Variants in N4BP2L2 observed in about 807,000 individuals in gnomAD.
N4BP2L2 encodes NEDD4 binding protein 2 like 2, also known as NEDD4-binding protein 2-like 2.
Under a neutral mutation model 56.2 loss-of-function variants are expected in N4BP2L2, and 50 were observed. The ratio of observed to expected loss-of-function variants is 0.89; its 90% CI spans 0.71 to 1.13. The LOEUF is 1.13. N4BP2L2 is among the 50% of genes most tolerant of loss of function. The pLI is 0.00. For missense variants in N4BP2L2, 689 were observed against 693.8 expected (o/e 0.99, Z 0.08); for synonymous variants, 203 against 223.6 (o/e 0.91, Z 0.82).
At chr13:32,446,393 G>A (rs775541047) in intron 6 of N4BP2L2, 1 of 1,365,080 alleles carries the variant, frequency 7.3e-7, no homozygotes, top group East Asian at 4.6e-5. Flanking sequence ...GCAGTCCAAG[G>A]TGCAATGTCA....
At chr13:32,515,974 G>A (rs533523600) in exon 6 of N4BP2L2, 4 of 152,222 alleles carry the variant, frequency 2.6e-5, no homozygotes, top group Non-Finnish European at 4.4e-5. Flanking sequence ...CTGACCTCAG[G>A]TGATCTGCCC....
intron 2 of N4BP2L2, among the ~76,000 whole-genome samples, chr13:32,531,012 A>G (rs1435382454): frequency 6.6e-6 from 1 of 152,162 alleles, no homozygotes; most frequent in Non-Finnish European, 1.5e-5. Flanking sequence ...AAATGAGAGA[A>G]GCCTCCAGTC....
In N4BP2L2 at chr13:32,469,633, G is replaced by T. The variant is rs529254702; in HGVS notation, c.366-25507C>A. ...AACTAATGTCGGCAGCGTCTGGGGG[G>T]TCCCCTCCCTGCCTGATATTCCGTC... On this transcript the variant is annotated intron_variant, in intron 6 of 9. Transcript: ENST00000357505. 2.6e-3 allele frequency among the ~76,000 whole-genome samples: 392 copies of T among 152,328 alleles called. 3 individuals carry two copies. The highest frequency in any genetic ancestry group is 8.5e-3 in the African/African-American group (352 of 41,578).
At chr13:32,536,221 C>G in exon 2 of N4BP2L2, 1 of 1,613,866 alleles carries the variant, frequency 6.2e-7, no homozygotes, top group Non-Finnish European at 8.5e-7. Flanking sequence ...GATATACTGA[C>G]TGCCATTCAG....
intron 6 of N4BP2L2, among the ~76,000 whole-genome samples, chr13:32,462,923 A>G (rs2080454075): frequency 6.7e-6 from 1 of 149,770 alleles, no homozygotes; most frequent in Non-Finnish European, 1.5e-5. Flanking sequence ...CATGCCTGTA[A>G]TCCCAGCTAC....
At position 32,538,647 on chromosome 13, in the gene N4BP2L2, C is replaced by T. The variant is rs541547046; in HGVS notation, c.-30G>A. ...CTCTACCCCTACGCATTGACCTTTA[C>T]CTCCCAATAAAACCTTCTTTTAGGA... On this transcript the variant is annotated 5_prime_UTR_variant, in exon 1 of 6. Coordinates refer to ENST00000267068, the Ensembl canonical transcript of N4BP2L2. 1.5e-3 allele frequency: 1,509 copies of T among 985,390 alleles called. 4 individuals carry two copies. The highest frequency in any genetic ancestry group is 1.7e-3 in the Non-Finnish European group (1,434 of 829,986). 61.0% of individuals were successfully genotyped at this position (985,390 alleles called of 1,614,324 possible). A position where few individuals can be genotyped will look rare whatever the true frequency, so the allele number is the denominator to read the frequency against.
At chr13:32,450,293 C>A (rs1334574750) in intron 6 of N4BP2L2, among the ~76,000 whole-genome samples, 1 of 151,072 alleles carries the variant, frequency 6.6e-6, no homozygotes, top group Non-Finnish European at 1.5e-5. Flanking sequence ...ATACTTAGAA[C>A]TGAATAACAG....
chr13:32,494,723 G>C (rs1036473809), intron 6 of N4BP2L2, among the ~76,000 whole-genome samples: 1 of 152,120 alleles, frequency 6.6e-6, no homozygotes, highest in African/African-American at 2.4e-5. Context: ...CCAAGATCGC[G>C]CCACTGCACT....
At chr13:32,450,354 TCA>T (rs2077736378) in intron 6 of N4BP2L2, among the ~76,000 whole-genome samples, 1 of 151,618 alleles carries the variant, frequency 6.6e-6, no homozygotes, top group Admixed American at 6.6e-5. Context: ...AGATGGAGTC[TCA>T]CTCTGTCACC....
intron 6 of N4BP2L2, among the ~76,000 whole-genome samples, chr13:32,491,178 T>A (rs1295726315): frequency 2.0e-5 from 3 of 152,070 alleles, no homozygotes; most frequent in Non-Finnish European, 4.4e-5. Context: ...TTTTTTGCTA[T>A]TTGGAGGAGG....
At chr13:32,512,131 TA>T (rs1225518690) in exon 6 of N4BP2L2, 1 of 152,146 alleles carries the variant, frequency 6.6e-6, no homozygotes, top group African/African-American at 2.4e-5. Context: ...TGGACTCTAC[TA>T]AAACACAATT....
Position 32,485,472 on chromosome 13 carries a change from CA to C in N4BP2L2, c.365+32384del, listed in dbSNP as rs902181918. 2.2e-4 allele frequency among the ~76,000 whole-genome samples: 34 copies of C among 152,204 alleles called. 1 individual carries two copies. The highest frequency in any genetic ancestry group is 7.9e-4 in the African/African-American group (33 of 41,522). ...GCCAGTATCACTTTGATATAAAAAC[CA>C]AAAACATCACACAAAAACAGAAATA... On this transcript the variant is annotated intron_variant, in intron 6 of 9. Transcript: ENST00000357505.
At chr13:32,470,765 G>GATGTTCTA (rs1178497046) in intron 6 of N4BP2L2, among the ~76,000 whole-genome samples, 2 of 152,194 alleles carry the variant, frequency 1.3e-5, no homozygotes, top group Non-Finnish European at 2.9e-5. Flanking sequence ...TAGAACAGCG[G>GATGTTCTA]AGTATGCTGA....
At chr13:32,440,323 T>C (rs1212201741) in intron 7 of N4BP2L2, among the ~76,000 whole-genome samples, 1 of 152,138 alleles carries the variant, frequency 6.6e-6, no homozygotes, top group African/African-American at 2.4e-5. Flanking sequence ...ACAGGAGAAC[T>C]GCAAAAATTG....
intron 6 of N4BP2L2, among the ~76,000 whole-genome samples, chr13:32,472,532 G>C (rs2082511510): frequency 6.6e-6 from 1 of 152,164 alleles, no homozygotes; most frequent in Admixed American, 6.5e-5. Flanking sequence ...TCACCTGCTG[G>C]CACTGATCAA....
chr13:32,444,253 G>T (rs908250805), intron 6 of N4BP2L2: 2 of 638,034 alleles, frequency 3.1e-6, no homozygotes, highest in African/African-American at 1.9e-5. Flanking sequence ...AAGTGTGCAC[G>T]TACTTTTTCT....
chr13:32,535,475 G>C (rs920166062), intron 2 of N4BP2L2, among the ~76,000 whole-genome samples: 1 of 152,184 alleles, frequency 6.6e-6, no homozygotes, highest in Non-Finnish European at 1.5e-5. Flanking sequence ...TACACTGTCA[G>C]ATGCTATTCT....
At chr13:32,492,994 C>G (rs2139380796) in intron 6 of N4BP2L2, among the ~76,000 whole-genome samples, 1 of 144,944 alleles carries the variant, frequency 6.9e-6, no homozygotes, top group South Asian at 2.2e-4. Flanking sequence ...ACGATCTCAG[C>G]TCACTGTAGC....
At position 32,458,607 on chromosome 13, in the gene N4BP2L2, C is replaced by T. The variant is rs115531058; in HGVS notation, c.366-14481G>A. On this transcript the variant is annotated intron_variant, in intron 6 of 9. Coordinates refer to the N4BP2L2 transcript ENST00000357505. Reference sequence around the variant, plus strand: ...GATATAATAATACTAAATATGTATGCACCCAACATCAAAGCACCCAGATAT... The same window carrying T: ...GATATAATAATACTAAATATGTATGTACCCAACATCAAAGCACCCAGATAT... 7.2e-3 allele frequency among the ~76,000 whole-genome samples: 1,095 copies of T among 152,222 alleles called. 17 individuals are homozygous for T. The highest frequency in any genetic ancestry group is 0.026 in the African/African-American group (1,063 of 41,536).
Sources: allele counts gnomAD v4.1 joint callset (sites outside exome capture counted in the v4.1 genomes callset), GRCh38; gene constraint gnomAD v4.1.1; transcripts MANE v1.5; gene names NCBI Gene and HGNC (gene_info 2026-07-23, HGNC 2026-07-21).